The following PTPRN2 variants were observed in gnomAD, a reference collection of about 807,000 sequenced individuals.
PTPRN2 encodes the protein protein tyrosine phosphatase receptor type N2.
PTPRN2 carries 74 observed loss-of-function variants against 118.8 expected under a neutral mutation model. The ratio of observed to expected loss-of-function variants is 0.62; its 90% CI spans 0.52 to 0.76. The LOEUF is 0.76. Ranked by LOEUF, PTPRN2 falls within the 30% of genes least tolerant of loss-of-function variation. The pLI is 0.00. For synonymous variants in PTPRN2, 641 were observed against 608.0 expected (o/e 1.05, Z -0.80); for missense variants, 1,481 against 1,394.4 (o/e 1.06, Z -0.99).
At chr7:158,523,644 A>AGTCTGCCCTGGAGTGGAGTC (rs1563393126) in intron 1 of PTPRN2, among the ~76,000 whole-genome samples, 1 of 60,892 alleles carries the variant, frequency 1.6e-5, no homozygotes. Context: ...CCTGGAGCGG[A>AGTCTGCCCTGGAGTGGAGTC]GTCTGCCCTG....
intron 11 of PTPRN2, among the ~76,000 whole-genome samples, chr7:157,993,604 C>T (rs186062849): frequency 1.4e-4 from 21 of 152,196 alleles, no homozygotes; most frequent in Admixed American, 8.5e-4. Context: ...GTCGGCCAGC[C>T]GGGAGGTGTC....
chr7:157,579,800 CAG>C (rs1259361613), intron 17 of PTPRN2, among the ~76,000 whole-genome samples: 2 of 152,186 alleles, frequency 1.3e-5, no homozygotes, highest in African/African-American at 2.4e-5. Context: ...TGTATAAAAG[CAG>C]AGAGGGGAAT....
At chr7:158,141,701 G>A (rs1364838776) in intron 6 of PTPRN2, among the ~76,000 whole-genome samples, 1 of 152,064 alleles carries the variant, frequency 6.6e-6, no homozygotes, top group Non-Finnish European at 1.5e-5. Context: ...GCATGGAAAG[G>A]GTCACAGCCA....
Position 157,590,640 on chromosome 7 carries a change from G to A in PTPRN2, c.2496+4598C>T, listed in dbSNP as rs1002707912. Among the ~76,000 whole-genome samples the A allele has an allele frequency of 6.6e-6, 1 of 152,088 alleles. No homozygotes were observed. Among genetic ancestry groups the A allele is most frequent in the Non-Finnish European group, 1.5e-5 (1 of 68,024 alleles). ...ACGCAGCACGGACAGAGGTGCTGTG[G>A]GCCCTGCGGGACGGGGAGCTGATGG... On this transcript the variant is annotated intron_variant, in intron 17 of 22. Coordinates refer to ENST00000389418, the MANE Select transcript of PTPRN2 (RefSeq NM_002847.5). The surrounding 1 kb of genome is among the most constrained non-coding windows in gnomAD (Gnocchi z 4.0).
chr7:157,725,499 ATC>A (rs1799517064), intron 12 of PTPRN2, among the ~76,000 whole-genome samples: 7 of 85,192 alleles, frequency 8.2e-5, no homozygotes, highest in African/African-American at 3.5e-4. Context: ...AGAACTGGAT[ATC>A]CACACGCAGA....
rs576140649 is a variant in PTPRN2 at position 158,346,156 on chromosome 7, G to A, written c.164-29224C>T. Among the ~76,000 whole-genome samples, 50 of 152,224 alleles carry A rather than the reference G, an allele frequency of 3.3e-4. 2 individuals carry two copies. Among genetic ancestry groups the A allele is most frequent in the Admixed American group, 2.7e-3 (42 of 15,288 alleles). On this transcript the variant is annotated intron_variant, in intron 2 of 22. Coordinates refer to ENST00000389418, the MANE Select transcript of PTPRN2 (RefSeq NM_002847.5). Reference sequence around the variant, plus strand: ...CACTTCAAATACTTAACATTTTTGTGGCAAAAACATTTGGAATTTGTTCTC... The same window carrying A: ...CACTTCAAATACTTAACATTTTTGTAGCAAAAACATTTGGAATTTGTTCTC...
rs144129717 is a variant in PTPRN2 at position 157,726,958 on chromosome 7, C to A, written c.1789-44021G>T. 3.3e-3 allele frequency among the ~76,000 whole-genome samples: 502 copies of A among 152,338 alleles called. 3 individuals are homozygous for A. The highest frequency in any genetic ancestry group is 0.012 in the African/African-American group (492 of 41,574). ...AGCATGATTCCTCAGTGCAATTCCA[C>A]CTCATGCCATGTGCGTGACTCTTAC... On this transcript the variant is annotated intron_variant, in intron 12 of 22. Transcript: ENST00000389418.
rs746914497 is a variant in PTPRN2 at position 157,682,808 on chromosome 7, G to C, written c.1918C>G (p.Arg640Gly). ...LLASGLIYCLRHSSQHRLKEK... is the reference protein window; with the variant it reads ...LLASGLIYCLGHSSQHRLKEK... ...TTCAGCCTGTGCTGAGAGCTATGGCGGAGGCAGTAGATGAGGCCAGAGGCC... is the reference window on the plus strand; with the variant it reads ...TTCAGCCTGTGCTGAGAGCTATGGCCGAGGCAGTAGATGAGGCCAGAGGCC... Residue 640 changes from arginine to glycine, a missense_variant, in exon 13 of 23, where the codon CGC (arginine) becomes GGC (glycine). Transcript: ENST00000389418. 11 of 1,614,094 alleles carry C rather than the reference G, an allele frequency of 6.8e-6. No individual in the cohort carries two copies. Among genetic ancestry groups the C allele is most frequent in the Non-Finnish European group, 9.3e-6 (11 of 1,180,022 alleles).
chr7:158,510,232 A>G (rs575742644), intron 1 of PTPRN2, among the ~76,000 whole-genome samples: 8 of 152,338 alleles, frequency 5.3e-5, no homozygotes, highest in African/African-American at 1.9e-4. Context: ...ACAACTTGGC[A>G]TCCTCGGCTT....
chr7:158,225,371 G>A (rs566533830), intron 3 of PTPRN2, among the ~76,000 whole-genome samples: 5 of 151,866 alleles, frequency 3.3e-5, no homozygotes, highest in African/African-American at 1.2e-4. Flanking sequence ...TCTGCACCAC[G>A]GAGCACCACT....
intron 3 of PTPRN2, among the ~76,000 whole-genome samples, chr7:158,229,195 G>T (rs138452292): frequency 7.9e-5 from 12 of 152,166 alleles, no homozygotes; most frequent in Non-Finnish European, 1.6e-4. Context: ...GTGCCGAAAA[G>T]GAGACAGGGA....
Position 157,710,782 on chromosome 7 carries a change from G to A in PTPRN2, c.1789-27845C>T, listed in dbSNP as rs1385678467. Among the ~76,000 whole-genome samples, 3 of 114,046 alleles carry A rather than the reference G, an allele frequency of 2.6e-5. 1 individual carries two copies. Among genetic ancestry groups the A allele is most frequent in the Non-Finnish European group, 4.1e-5 (2 of 48,244 alleles). The allele number at this position is 114,046 out of a possible 152,430, so 74.8% of individuals were successfully genotyped here. A position where few individuals can be genotyped will look rare whatever the true frequency, so the allele number is the denominator to read the frequency against. On this transcript the variant is annotated intron_variant, in intron 12 of 22. Transcript: ENST00000389418. ...GCCCATGTGCAGGAGGGGTTCCGGGGCAGCCGGGTTACACGCGAGAGCCCC... is the reference window on the plus strand; with the variant it reads ...GCCCATGTGCAGGAGGGGTTCCGGGACAGCCGGGTTACACGCGAGAGCCCC...
At chr7:157,668,068 G>A (rs1585207523) in intron 13 of PTPRN2, among the ~76,000 whole-genome samples, 2 of 152,258 alleles carry the variant, frequency 1.3e-5, no homozygotes, top group African/African-American at 4.8e-5. Context: ...TGGTCAGCAC[G>A]GCACATTCGG....
At chr7:158,392,053 T>C (rs1442001644) in intron 2 of PTPRN2, among the ~76,000 whole-genome samples, 1 of 152,040 alleles carries the variant, frequency 6.6e-6, no homozygotes, top group Non-Finnish European at 1.5e-5. Flanking sequence ...GGAGTAGCCA[T>C]ACCCAGGGGA....
intron 11 of PTPRN2, among the ~76,000 whole-genome samples, chr7:157,980,363 C>G (rs1188174008): frequency 4.6e-5 from 7 of 152,202 alleles, no homozygotes; most frequent in Admixed American, 4.6e-4. Flanking sequence ...GAAATTCAGT[C>G]AAGTGTTTCA....
At chr7:157,750,039 C>T (rs528584513) in intron 12 of PTPRN2, among the ~76,000 whole-genome samples, 3 of 152,190 alleles carry the variant, frequency 2.0e-5, no homozygotes, top group Non-Finnish European at 2.9e-5. Flanking sequence ...AGGCCTGCTT[C>T]TCTGTGCTGT....
In PTPRN2 at chr7:158,316,881, T is replaced by G; in HGVS notation, c.215A>C (p.Tyr72Ser). The G allele has an allele frequency of 1.2e-6, 2 of 1,612,530 alleles. No individual in the cohort carries two copies. The highest frequency in any genetic ancestry group is 1.6e-4 in the Middle Eastern group (1 of 6,062). The change falls in exon 3 of 23, where the codon TAC (tyrosine) becomes TCC (serine). Residue 72 changes from tyrosine (Y) to serine (S), a missense_variant. Coordinates refer to ENST00000389418, the MANE Select transcript of PTPRN2 (RefSeq NM_002847.5). ...QKVPAMDFYRYEVSPVALQRL... is the reference protein window; with the variant it reads ...QKVPAMDFYRSEVSPVALQRL... ...CTGCAGGGCCACGGGCGACACCTCG[T>G]AGCGGTAAAAGTCCATTGCCGGAAC...
At chr7:158,559,169 C>T (rs181439849) in intron 1 of PTPRN2, among the ~76,000 whole-genome samples, 392 of 152,306 alleles carry the variant, frequency 2.6e-3, no homozygotes, top group African/African-American at 9.0e-3. Context: ...CTTTGTTCTT[C>T]ATCACCCCAT....
chr7:158,399,846 G>A (rs1812800039), intron 2 of PTPRN2, among the ~76,000 whole-genome samples: 1 of 152,174 alleles, frequency 6.6e-6, no homozygotes. Context: ...GTATTTAAAC[G>A]CTCACTCCTT....
Sources: allele counts gnomAD v4.1 joint callset (sites outside exome capture counted in the v4.1 genomes callset), GRCh38; gene constraint gnomAD v4.1.1; non-coding constraint Gnocchi (gnomAD v3.1); transcripts MANE v1.5; gene names NCBI Gene and HGNC (gene_info 2026-07-23, HGNC 2026-07-21).